CNTN5: variants seen among roughly 807,000 people sequenced by gnomAD.
The protein encoded by CNTN5 is contactin 5.
CNTN5 carries 77 observed loss-of-function variants against 129.1 expected under a neutral mutation model. The ratio of observed to expected loss-of-function variants is 0.60; its 90% CI spans 0.50 to 0.72. The LOEUF (loss-of-function observed/expected upper bound fraction) is 0.72, where lower values mean the gene tolerates loss of function less well. Ranked by LOEUF, CNTN5 falls within the 30% of genes least tolerant of loss-of-function variation. CNTN5 has a pLI of 0.00. For synonymous variants in CNTN5, 509 were observed against 465.6 expected, an observed-to-expected ratio of 1.09 and a Z score of -1.20; for missense variants, 1,478 against 1,328.8, an observed-to-expected ratio of 1.11 and a Z score of -1.75.
intron 2 of CNTN5, among the ~76,000 whole-genome samples, chr11:99,332,052 C>T (rs888278574): frequency 6.6e-6 from 1 of 152,120 alleles, no homozygotes; most frequent in African/African-American, 2.4e-5. Flanking sequence ...TAATAAATTA[C>T]TGTTGTTTTA....
intron 3 of CNTN5, among the ~76,000 whole-genome samples, chr11:99,588,340 T>TGC (rs1949871751): frequency 5.8e-5 from 3 of 52,010 alleles, no homozygotes; most frequent in Admixed American, 2.5e-4. Flanking sequence ...CAAGACTCCT[T>TGC]CTCAAAAAAA....
At chr11:99,779,549 G>A (rs1437283048) in intron 3 of CNTN5, among the ~76,000 whole-genome samples, 2 of 151,878 alleles carry the variant, frequency 1.3e-5, no homozygotes, top group African/African-American at 2.4e-5. Flanking sequence ...GATAGCTGAG[G>A]TTTCTTACTT....
At chr11:100,196,721 G>T (rs1948647380) in intron 15 of CNTN5, among the ~76,000 whole-genome samples, 1 of 151,934 alleles carries the variant, frequency 6.6e-6, no homozygotes, top group African/African-American at 2.4e-5. Flanking sequence ...TGACTAATTT[G>T]GAGTGAATCC....
At chr11:99,413,775 A>T (rs2089171) in intron 2 of CNTN5, among the ~76,000 whole-genome samples, 1 of 151,946 alleles carries the variant, frequency 6.6e-6, no homozygotes, top group South Asian at 2.1e-4. Context: ...TGACTCTCTT[A>T]TAGGTGTTTA....
intron 3 of CNTN5, among the ~76,000 whole-genome samples, chr11:99,563,264 A>G (rs1329141256): frequency 1.3e-5 from 2 of 152,204 alleles, no homozygotes; most frequent in Non-Finnish European, 2.9e-5. Context: ...TAGAAACCCC[A>G]GCGTTACGGC....
At chr11:99,285,839 A>C (rs932029996) in intron 1 of CNTN5, among the ~76,000 whole-genome samples, 2 of 152,022 alleles carry the variant, frequency 1.3e-5, no homozygotes, top group Admixed American at 1.3e-4. Flanking sequence ...GGACTTCGAG[A>C]CCAGCCTGGC....
rs563175634 is a variant in CNTN5 at position 99,682,570 on chromosome 11, T to C, written c.55+126301T>C. On this transcript the variant is annotated intron_variant, in intron 3 of 24. Coordinates refer to ENST00000524871, the MANE Select transcript of CNTN5 (RefSeq NM_014361.4). ...GAGAAACACAGTAAACAAAATATAA[T>C]TCAAACAGAAAGTATACCAAAAAAT... Among the ~76,000 whole-genome samples, 17 of 152,022 alleles carry C rather than the reference T, an allele frequency of 1.1e-4. No individual in the cohort carries two copies. The South Asian group carries it at 3.5e-3, about 32-fold the overall frequency.
intron 1 of CNTN5, among the ~76,000 whole-genome samples, chr11:99,078,898 GT>G (rs1220835842): frequency 6.6e-6 from 1 of 152,002 alleles, no homozygotes; most frequent in Non-Finnish European, 1.5e-5. Flanking sequence ...GGTGATTACA[GT>G]AAACAATAAT....
At chr11:99,680,048 A>G (rs181976452) in intron 3 of CNTN5, among the ~76,000 whole-genome samples, 30 of 152,318 alleles carry the variant, frequency 2.0e-4, no homozygotes. Context: ...GAGGAAGATG[A>G]AGCTTAGTAC....
intron 2 of CNTN5, among the ~76,000 whole-genome samples, chr11:99,339,095 A>G (rs1371235999): frequency 6.6e-6 from 1 of 151,298 alleles, no homozygotes; most frequent in Non-Finnish European, 1.5e-5. Context: ...CATCTCTATG[A>G]TGTGCCTATT....
At chr11:99,034,236 TG>T (rs1209333937) in intron 1 of CNTN5, among the ~76,000 whole-genome samples, 1 of 152,232 alleles carries the variant, frequency 6.6e-6, no homozygotes, top group Non-Finnish European at 1.5e-5. Context: ...CTCTCTTTTT[TG>T]TTTGCGTTTC....
At chr11:99,144,786 G>T in intron 1 of CNTN5, among the ~76,000 whole-genome samples, 1 of 151,060 alleles carries the variant, frequency 6.6e-6, no homozygotes, top group African/African-American at 2.4e-5. Context: ...TCTCTTTGTT[G>T]AATTTCTCAT....
chr11:99,585,549 A>T (rs1308442708), intron 3 of CNTN5, among the ~76,000 whole-genome samples: 2 of 152,176 alleles, frequency 1.3e-5, no homozygotes, highest in African/African-American at 4.8e-5. Context: ...AGTTATTTTA[A>T]GATCATTTAA....
chr11:99,666,072 C>G (rs1952780513), intron 3 of CNTN5, among the ~76,000 whole-genome samples: 1 of 151,960 alleles, frequency 6.6e-6, no homozygotes, highest in African/African-American at 2.4e-5. Flanking sequence ...TCAAGCAGTT[C>G]TCCTGCTGCC....
chr11:99,417,844 G>T (rs1942727042), intron 2 of CNTN5, among the ~76,000 whole-genome samples: 1 of 152,036 alleles, frequency 6.6e-6, no homozygotes, highest in South Asian at 2.1e-4. Context: ...AGACTTTATT[G>T]TCCCCATTTT....
At chr11:99,714,693 G>A (rs1387807013) in intron 3 of CNTN5, among the ~76,000 whole-genome samples, 1 of 151,806 alleles carries the variant, frequency 6.6e-6, no homozygotes, top group Non-Finnish European at 1.5e-5. Context: ...AAGGAATAAC[G>A]AGGTTCAAGC....
intron 3 of CNTN5, among the ~76,000 whole-genome samples, chr11:99,632,166 C>A (rs971977509): frequency 6.7e-6 from 1 of 150,354 alleles, no homozygotes; most frequent in African/African-American, 2.4e-5. Context: ...TTATACAAAC[C>A]ATCTTAAAAT....
At chr11:99,073,748 A>G (rs141754178) in intron 1 of CNTN5, among the ~76,000 whole-genome samples, 5 of 152,248 alleles carry the variant, frequency 3.3e-5, no homozygotes, top group African/African-American at 7.2e-5. Flanking sequence ...ATGGCTGCAT[A>G]GTATTCCATG....
chr11:99,820,738 C>G (rs1591254129), intron 4 of CNTN5, among the ~76,000 whole-genome samples: 2 of 152,326 alleles, frequency 1.3e-5, no homozygotes, highest in East Asian at 3.9e-4. Context: ...TTCACAAGGT[C>G]ACACTGCTAA....
Sources: allele counts gnomAD v4.1 joint callset (sites outside exome capture counted in the v4.1 genomes callset), GRCh38; gene constraint gnomAD v4.1.1; transcripts MANE v1.5; gene names NCBI Gene and HGNC (gene_info 2026-07-23, HGNC 2026-07-21).